The following MARCHF1 variants were observed in gnomAD, a reference collection of about 807,000 sequenced individuals.
MARCHF1 encodes the protein membrane associated ring-CH-type finger 1.
MARCHF1 carries 40 observed loss-of-function variants against 54.2 expected under a neutral mutation model. The observed-to-expected ratio is 0.74, with a 90% CI of 0.57 to 0.96. The LOEUF (loss-of-function observed/expected upper bound fraction) is 0.96. Among genes scored for constraint, MARCHF1 ranks in the 40% least tolerant of loss-of-function variants. The pLI, the probability that MARCHF1 is intolerant of heterozygous loss-of-function variation, is 0.00. For synonymous variants in MARCHF1, 236 were observed against 236.3 expected, an observed-to-expected ratio of 1.00 and a Z score of 0.01; for missense variants, 586 against 656.5, an observed-to-expected ratio of 0.89 and a Z score of 1.17.
chr4:164,367,905 C>G (rs1002000381), intron 1 of MARCHF1, among the ~76,000 whole-genome samples: 1 of 151,456 alleles, frequency 6.6e-6, no homozygotes, highest in Non-Finnish European at 1.5e-5. Context: ...TCTCTTAAGT[C>G]CAATATTCAA....
chr4:163,685,970 T>C (rs971536300), intron 5 of MARCHF1, among the ~76,000 whole-genome samples: 2 of 152,192 alleles, frequency 1.3e-5, no homozygotes, highest in Admixed American at 1.3e-4. Flanking sequence ...GTTTTTGGAC[T>C]GAGGGCAAAT....
At chr4:164,199,570 A>T (rs1295441909) in intron 1 of MARCHF1, among the ~76,000 whole-genome samples, 1 of 151,482 alleles carries the variant, frequency 6.6e-6, no homozygotes, top group Non-Finnish European at 1.5e-5. Context: ...TGAGAGGCAG[A>T]GACTGCAGTA....
intron 7 of MARCHF1, among the ~76,000 whole-genome samples, chr4:163,607,301 G>A (rs983468834): frequency 6.6e-6 from 1 of 152,066 alleles, no homozygotes; most frequent in Admixed American, 6.6e-5. Context: ...AGAAGGACTA[G>A]AATGGAACAC....
chr4:163,919,956 C>T (rs1042592132), intron 3 of MARCHF1, among the ~76,000 whole-genome samples: 2 of 152,190 alleles, frequency 1.3e-5, no homozygotes, highest in Non-Finnish European at 2.9e-5. Context: ...TCCTCCTCCT[C>T]ATTAGAGTGT....
At chr4:163,859,435 C>T (rs956906227) in intron 3 of MARCHF1, among the ~76,000 whole-genome samples, 20 of 150,732 alleles carry the variant, frequency 1.3e-4, no homozygotes, top group African/African-American at 4.9e-4. Context: ...TCTTGGCTCA[C>T]TGCAACCTCT....
In MARCHF1 at chr4:163,845,359, A is replaced by T. The variant is rs554916220; in HGVS notation, c.111+8662T>A. 3.2e-4 allele frequency among the ~76,000 whole-genome samples: 48 copies of T among 151,956 alleles called. 1 individual carries two copies. The highest frequency in any genetic ancestry group is 5.4e-4 in the Non-Finnish European group (37 of 67,998). ...AAGGCTAATCTGTCCTGCCTGCTCC[A>T]TTTTTACAAAACATAAAAACATTCT... On this transcript the variant is annotated intron_variant, in intron 4 of 9. Transcript: ENST00000514618.
rs537506078 is a variant in MARCHF1 at position 163,636,247 on chromosome 4, C to A, written c.163-22854G>T. 1.5e-3 allele frequency among the ~76,000 whole-genome samples: 220 copies of A among 151,146 alleles called. 1 individual carries two copies. The highest frequency in any genetic ancestry group is 4.8e-3 in the African/African-American group (200 of 41,250). ...ATAGTGTTGGAAGTTCTGGCCAGGG[C>A]AATTAGGCAGGAGAAGGAAATAAAG... On this transcript the variant is annotated intron_variant, in intron 5 of 9. Coordinates refer to ENST00000514618, the MANE Select transcript of MARCHF1 (RefSeq NM_001394959.1).
At position 163,526,681 on chromosome 4, in the gene MARCHF1, C is replaced by A. The variant is rs191167719; in HGVS notation, c.*2067G>T. ...TTTTAAAACGTTAATTACTTATATC[C>A]TTATTTATACAGAATTTTTGGTTCA... On this transcript the variant is annotated 3_prime_UTR_variant, in exon 10 of 10. Transcript: ENST00000514618. 66 of 151,952 alleles carry A rather than the reference C, an allele frequency of 4.3e-4. No homozygotes were observed. The highest frequency in any genetic ancestry group is 1.5e-3 in the African/African-American group (62 of 41,484). The allele number at this position is 151,952 out of a possible 1,614,324, so 9.4% of individuals were successfully genotyped here.
intron 1 of MARCHF1, among the ~76,000 whole-genome samples, chr4:164,206,231 G>T (rs1419850316): frequency 6.6e-6 from 1 of 152,182 alleles, no homozygotes; most frequent in Admixed American, 6.5e-5. Flanking sequence ...GAGGTCAGGA[G>T]TTCGAGACCA....
intron 1 of MARCHF1, among the ~76,000 whole-genome samples, chr4:164,251,663 T>C (rs1733129538): frequency 6.6e-6 from 1 of 152,196 alleles, no homozygotes. Context: ...TCCTTTATAA[T>C]TCACAGTGAT....
At chr4:164,004,234 C>T (rs1316320183) in intron 2 of MARCHF1, among the ~76,000 whole-genome samples, 1 of 132,244 alleles carries the variant, frequency 7.6e-6, no homozygotes, top group African/African-American at 2.6e-5. Flanking sequence ...CACCATGGCA[C>T]ATGTTTACAT....
intron 1 of MARCHF1, among the ~76,000 whole-genome samples, chr4:164,230,989 A>T (rs190414047): frequency 6.6e-6 from 1 of 152,152 alleles, no homozygotes; most frequent in Non-Finnish European, 1.5e-5. Flanking sequence ...GTAAAAATAG[A>T]ACACAAATGC....
intron 2 of MARCHF1, among the ~76,000 whole-genome samples, chr4:164,090,050 A>T (rs902484194): frequency 3.9e-5 from 6 of 151,962 alleles, no homozygotes; most frequent in African/African-American, 1.4e-4. Flanking sequence ...GACATATTCT[A>T]AAAAGGCAAC....
intron 2 of MARCHF1, among the ~76,000 whole-genome samples, chr4:164,020,101 G>C (rs1425071499): frequency 1.3e-5 from 2 of 152,158 alleles, no homozygotes; most frequent in Non-Finnish European, 2.9e-5. Flanking sequence ...AAATAGTATG[G>C]TGATTTTACT....
rs183823146 is a variant in MARCHF1, at chr4:164,128,699, T to C, written c.-322-17037A>G. 4.1e-3 allele frequency among the ~76,000 whole-genome samples: 620 copies of C among 152,312 alleles called. 2 individuals carry two copies. Among genetic ancestry groups the C allele is most frequent in the Non-Finnish European group, 6.6e-3 (449 of 68,016 alleles). On this transcript the variant is annotated intron_variant, in intron 1 of 9. Transcript: ENST00000514618. ...TGGTGAGAAACTCCAAAATTATTAA[T>C]GGATTTACCCATTGACTCAGCACTC...
intron 4 of MARCHF1, among the ~76,000 whole-genome samples, chr4:163,768,734 T>C (rs1202107400): frequency 6.6e-6 from 1 of 152,206 alleles, no homozygotes; most frequent in Non-Finnish European, 1.5e-5. Flanking sequence ...CTTTGTAATA[T>C]GTTTCTGAAA....
At chr4:163,855,698 T>C (rs958826163) in intron 3 of MARCHF1, among the ~76,000 whole-genome samples, 1 of 152,216 alleles carries the variant, frequency 6.6e-6, no homozygotes, top group African/African-American at 2.4e-5. Context: ...TTAGTACTTA[T>C]AATAAAATGC....
chr4:164,029,167 T>C (rs1176609679), intron 2 of MARCHF1, among the ~76,000 whole-genome samples: 1 of 152,282 alleles, frequency 6.6e-6, no homozygotes, highest in East Asian at 1.9e-4. Context: ...TAATTGATAC[T>C]TGGCAATTTA....
At chr4:164,301,394 A>G (rs1233042072) in intron 1 of MARCHF1, among the ~76,000 whole-genome samples, 1 of 152,232 alleles carries the variant, frequency 6.6e-6, no homozygotes, top group African/African-American at 2.4e-5. Flanking sequence ...CCATCAGTTT[A>G]CACAAGGAAC....
Sources: gnomAD v4.1 joint callset for allele counts (sites outside exome capture counted in the v4.1 genomes callset) on GRCh38, gnomAD v4.1.1 for gene constraint, MANE v1.5 for transcripts, NCBI Gene and HGNC (gene_info 2026-07-23, HGNC 2026-07-21) for gene names.